NPSR1: variants seen among roughly 807,000 people sequenced by gnomAD.
The protein encoded by NPSR1 is neuropeptide S receptor 1, also known as neuropeptide S receptor.
Under a neutral mutation model 46.9 loss-of-function variants are expected in NPSR1, and 48 were observed. The observed-to-expected ratio is 1.02, with a 90% CI of 0.81 to 1.30. The LOEUF (loss-of-function observed/expected upper bound fraction) is 1.30. Among genes scored for constraint, NPSR1 ranks in the 50% most tolerant of loss-of-function variants. NPSR1 has a pLI of 0.00. For synonymous variants in NPSR1, 176 were observed against 168.1 expected, an observed-to-expected ratio of 1.05 and a Z score of -0.36; for missense variants, 450 against 449.5, an observed-to-expected ratio of 1.00 and a Z score of -0.01.
At chr7:34,850,306 T>C (rs1252385870), downstream of NPSR1, among the ~76,000 whole-genome samples, 1 of 152,076 alleles carries the variant, frequency 6.6e-6, no homozygotes, top group Non-Finnish European at 1.5e-5. Context: ...GGGATACTGG[T>C]TCTGATAGAA....
chr7:34,846,309 C>A (rs1790739057), intron 7 of NPSR1, among the ~76,000 whole-genome samples: 1 of 152,130 alleles, frequency 6.6e-6, no homozygotes, highest in Non-Finnish European at 1.5e-5. Flanking sequence ...CAAGCAGGAA[C>A]ACCCTCTAGA....
chr7:34,859,350 T>A (rs1207405441), intron 8 of NPSR1, among the ~76,000 whole-genome samples: 1 of 151,718 alleles, frequency 6.6e-6, no homozygotes, highest in Non-Finnish European at 1.5e-5. Flanking sequence ...GGTTTCCCAC[T>A]TCAGTATTCA....
At chr7:34,834,593 A>C (rs1156928941) in intron 6 of NPSR1, 133 bp downstream of exon 6, 2 of 693,876 alleles carry the variant, frequency 2.9e-6, no homozygotes, top group Non-Finnish European at 2.6e-6. Flanking sequence ...CCGGCAGACC[A>C]GACCCACCAA....
chr7:34,706,412 A>G (rs2128699341), intron 2 of NPSR1, among the ~76,000 whole-genome samples: 2 of 152,270 alleles, frequency 1.3e-5, no homozygotes, highest in South Asian at 4.1e-4. Flanking sequence ...CATCATTTAA[A>G]TATCTTGGTC....
chr7:34,790,680 C>A (rs1398642648), intron 3 of NPSR1, among the ~76,000 whole-genome samples: 3 of 106,416 alleles, frequency 2.8e-5, no homozygotes, highest in African/African-American at 7.1e-5. Context: ...GTTATATGTT[C>A]TATGTTATAT....
In NPSR1 at chr7:34,819,315, A is replaced by G. The variant is rs559230110; in HGVS notation, c.478+7452A>G. Reference sequence around the variant, plus strand: ...ATGCAGCCAACAGACACATGAAAAAATGCTCATCATCACTGATCATCAGAG... The same window carrying G: ...ATGCAGCCAACAGACACATGAAAAAGTGCTCATCATCACTGATCATCAGAG... On this transcript the variant is annotated intron_variant, in intron 4 of 8. Transcript: ENST00000360581. 5.9e-5 allele frequency among the ~76,000 whole-genome samples: 9 copies of G among 152,390 alleles called. No homozygotes were observed. The East Asian group carries it at 1.7e-3, about 29-fold the overall frequency.
chr7:34,667,350 A>AG (rs1299386797), intron 1 of NPSR1, among the ~76,000 whole-genome samples: 3 of 152,198 alleles, frequency 2.0e-5, no homozygotes, highest in East Asian at 1.9e-4. Flanking sequence ...GACAGGAGAA[A>AG]GGGGGGTAGT....
At chr7:34,840,294 A>C (rs1790517181) in intron 6 of NPSR1, among the ~76,000 whole-genome samples, 1 of 152,196 alleles carries the variant, frequency 6.6e-6, no homozygotes, top group Non-Finnish European at 1.5e-5. Flanking sequence ...AGAGTCAGGC[A>C]CAACGAGTGC....
chr7:34,715,958 TAA>T (rs149760890), intron 2 of NPSR1, among the ~76,000 whole-genome samples: 3,044 of 152,070 alleles, frequency 0.02, 46 homozygotes, highest in Non-Finnish European at 0.033. Context: ...CGAGGGAAGA[TAA>T]AAGTCAGAAT....
intron 3 of NPSR1, among the ~76,000 whole-genome samples, chr7:34,798,885 G>T (rs940281298): frequency 6.6e-6 from 1 of 152,100 alleles, no homozygotes; most frequent in Non-Finnish European, 1.5e-5. Context: ...GTGAATTGAA[G>T]AAGATATCTC....
At chr7:34,722,588 G>A (rs34655623) in intron 2 of NPSR1, among the ~76,000 whole-genome samples, 10,116 of 152,200 alleles carry the variant, frequency 0.066, 967 homozygotes, top group African/African-American at 0.21. Flanking sequence ...GATTTGTAAG[G>A]GTAGAGACAG....
chr7:34,843,864 C>T (rs923712205), intron 6 of NPSR1, among the ~76,000 whole-genome samples: 2 of 152,346 alleles, frequency 1.3e-5, no homozygotes, highest in Non-Finnish European at 2.9e-5. Flanking sequence ...ACTGAGTGGG[C>T]CTCTGACCAG....
chr7:34,692,488 A>C (rs776228605), intron 2 of NPSR1, among the ~76,000 whole-genome samples: 10 of 152,158 alleles, frequency 6.6e-5, no homozygotes, highest in Non-Finnish European at 1.3e-4. Flanking sequence ...AAAATAAAAA[A>C]CATTTCAAAA....
intron 4 of NPSR1, among the ~76,000 whole-genome samples, chr7:34,825,142 C>G (rs537018212): frequency 5.3e-5 from 8 of 152,234 alleles, no homozygotes; most frequent in Admixed American, 4.6e-4. Context: ...AGACATTTTC[C>G]TACCGTTCTA....
At chr7:34,780,268 G>A (rs911292863) in intron 3 of NPSR1, among the ~76,000 whole-genome samples, 7 of 152,126 alleles carry the variant, frequency 4.6e-5, no homozygotes, top group Non-Finnish European at 8.8e-5. Context: ...TTGGAGGTTG[G>A]CAACCACACT....
At chr7:34,715,823 G>A (rs1783533297) in intron 2 of NPSR1, among the ~76,000 whole-genome samples, 2 of 152,144 alleles carry the variant, frequency 1.3e-5, no homozygotes, top group South Asian at 4.1e-4. Flanking sequence ...GCTACCATAT[G>A]GGAGGGCGAT....
intron 2 of NPSR1, chr7:34,750,126 G>GTT (rs1785442241): frequency 3.8e-6 from 1 of 260,010 alleles, no homozygotes; most frequent in East Asian, 9.9e-5. Context: ...GATCGTGTAT[G>GTT]TATTTTTTTT....
intron 2 of NPSR1, among the ~76,000 whole-genome samples, chr7:34,712,076 T>C (rs1415865085): frequency 6.6e-6 from 1 of 152,246 alleles, no homozygotes; most frequent in African/African-American, 2.4e-5. Context: ...CTTTGCCATT[T>C]CAGTATTCAC....
intron 2 of NPSR1, among the ~76,000 whole-genome samples, chr7:34,754,371 C>T (rs913327527): frequency 6.6e-6 from 1 of 152,040 alleles, no homozygotes; most frequent in East Asian, 1.9e-4. Context: ...GAGAAGGGTG[C>T]CTTTCTTAAT....
Sources: gnomAD v4.1 joint callset for allele counts (sites outside exome capture counted in the v4.1 genomes callset) on GRCh38, gnomAD v4.1.1 for gene constraint, MANE v1.5 for transcripts, NCBI Gene and HGNC (gene_info 2026-07-23, HGNC 2026-07-21) for gene names.